Variants in CENPP observed in about 807,000 individuals in gnomAD.
CENPP encodes centromere protein P.
In CENPP, 24 loss-of-function variants were observed where a neutral mutation model predicts 35.6. The ratio of observed to expected loss-of-function variants is 0.67; its 90% CI spans 0.49 to 0.95. The LOEUF (loss-of-function observed/expected upper bound fraction) is 0.95, where lower values mean the gene tolerates loss of function less well. Among genes scored for constraint, CENPP ranks in the 40% least tolerant of loss-of-function variants. CENPP has a pLI of 0.00. For missense variants in CENPP, 332 were observed against 345.3 expected (o/e 0.96, Z 0.31); for synonymous variants, 120 against 125.5 (o/e 0.96, Z 0.29).
intron 5 of CENPP, among the ~76,000 whole-genome samples, chr9:92,510,540 A>G (rs928104824): frequency 1.3e-5 from 2 of 152,260 alleles, no homozygotes; most frequent in Non-Finnish European, 2.9e-5. Context: ...ACCAAGGACT[A>G]CAGATATCAC....
chr9:92,368,620 A>G (rs560698518), intron 4 of CENPP, among the ~76,000 whole-genome samples: 44 of 152,188 alleles, frequency 2.9e-4, no homozygotes, highest in Middle Eastern at 3.2e-3. Flanking sequence ...AAATATGGAG[A>G]AACTAAATCT....
intron 5 of CENPP, among the ~76,000 whole-genome samples, chr9:92,387,053 G>GAAAAAAAAAA (rs903436031): frequency 4.0e-5 from 2 of 50,172 alleles, no homozygotes; most frequent in Non-Finnish European, 7.5e-5. Flanking sequence ...GTCTCAAAAA[G>GAAAAAAAAAA]AAAAAAAAAA....
At chr9:92,346,550 T>C (rs1161241861) in intron 4 of CENPP, among the ~76,000 whole-genome samples, 1 of 151,996 alleles carries the variant, frequency 6.6e-6, no homozygotes, top group Non-Finnish European at 1.5e-5. Context: ...GTATAAAGAG[T>C]GTTATCACAG....
At position 92,347,954 on chromosome 9, in the gene CENPP, T is replaced by TACTCGGTC. The variant is rs1268595955; in HGVS notation, c.467+2170_467+2177dup. Among the ~76,000 whole-genome samples the TACTCGGTC allele has an allele frequency of 1.2e-4, 19 of 152,230 alleles. No homozygotes were observed. In the East Asian group the frequency reaches 3.5e-3, roughly 28 times the overall value. ...TTTGTTTTGTTTTGAGATGGAGTCT[T>TACTCGGTC]ACTCGGTCACCCAGGCTAGAGTGGA... is the stretch of plus-strand genomic sequence containing the variant. On this transcript the variant is annotated intron_variant, in intron 4 of 7. Transcript: ENST00000375587.
intron 4 of CENPP, among the ~76,000 whole-genome samples, chr9:92,347,393 T>C (rs1413522707): frequency 6.6e-6 from 1 of 152,214 alleles, no homozygotes; most frequent in African/African-American, 2.4e-5. Context: ...TAATCCCAGC[T>C]TTTTGGGCAA....
intron 5 of CENPP, among the ~76,000 whole-genome samples, chr9:92,430,501 C>T (rs1228217013): frequency 6.6e-6 from 1 of 151,676 alleles, no homozygotes; most frequent in African/African-American, 2.4e-5. Flanking sequence ...GGATTACAGG[C>T]ACCCACAACT....
rs1564000240 is a variant in CENPP at position 92,552,090 on chromosome 9, A to ATATGATAGATCTATCATATATGTGT, written c.565-59203_565-59202insGTGTTATGATAGATCTATCATATAT. Among the ~76,000 whole-genome samples the ATATGATAGATCTATCATATATGTGT allele has an allele frequency of 4.0e-3, 511 of 127,244 alleles. 33 individuals are homozygous for ATATGATAGATCTATCATATATGTGT. The highest frequency in any genetic ancestry group is 5.7e-3 in the Non-Finnish European group (348 of 60,534). The allele number at this position is 127,244 out of a possible 152,430, so 83.5% of individuals were successfully genotyped here. On this transcript the variant is annotated intron_variant, in intron 5 of 7. Coordinates refer to ENST00000375587, the MANE Select transcript of CENPP (RefSeq NM_001012267.3). ...ATATGATAGATCTATCATATATGTG[A>ATATGATAGATCTATCATATATGTGT]TATGATAGATCTATCATATATATGT... is the stretch of plus-strand genomic sequence containing the variant.
At chr9:92,598,524 T>G (rs909817306) in intron 5 of CENPP, among the ~76,000 whole-genome samples, 2 of 152,116 alleles carry the variant, frequency 1.3e-5, no homozygotes, top group East Asian at 3.9e-4. Context: ...TGACATCACA[T>G]GGGCAGAGGC....
chr9:92,562,856 G>A (rs1324377079), intron 5 of CENPP, among the ~76,000 whole-genome samples: 2 of 152,074 alleles, frequency 1.3e-5, no homozygotes, highest in African/African-American at 4.8e-5. Context: ...ATCACTTATG[G>A]GGGGGATAAA....
intron 4 of CENPP, among the ~76,000 whole-genome samples, chr9:92,363,364 T>A (rs1227836774): frequency 2.6e-5 from 4 of 152,204 alleles, no homozygotes; most frequent in Non-Finnish European, 5.9e-5. Flanking sequence ...AAAGGTAGTC[T>A]CATGATTACA....
chr9:92,482,850 A>G (rs1187791391), intron 5 of CENPP, among the ~76,000 whole-genome samples: 1 of 152,174 alleles, frequency 6.6e-6, no homozygotes, highest in East Asian at 1.9e-4. Flanking sequence ...CCTGAGAAAG[A>G]ACCATACTTT....
chr9:92,470,745 G>T, intron 5 of CENPP: 1 of 1,596,468 alleles, frequency 6.3e-7, no homozygotes, highest in South Asian at 1.2e-5. Flanking sequence ...AAGCATTCGA[G>T]TATCAAATGG....
intron 5 of CENPP, among the ~76,000 whole-genome samples, chr9:92,566,306 A>C (rs1017447535): frequency 6.6e-6 from 1 of 152,102 alleles, no homozygotes; most frequent in Admixed American, 6.5e-5. Flanking sequence ...TCTCAAAAAA[A>C]AAAAACAAAA....
chr9:92,448,703 C>CA (rs1844617378), intron 5 of CENPP, among the ~76,000 whole-genome samples: 1 of 151,734 alleles, frequency 6.6e-6, no homozygotes, highest in Admixed American at 6.6e-5. Context: ...GTCAGCCATG[C>CA]AAAAAAACCT....
chr9:92,583,194 C>A (rs1164558395), intron 5 of CENPP, among the ~76,000 whole-genome samples: 1 of 152,172 alleles, frequency 6.6e-6, no homozygotes, highest in Non-Finnish European at 1.5e-5. Context: ...TCAAATTGTA[C>A]AAGCATGGCT....
intron 5 of CENPP, among the ~76,000 whole-genome samples, chr9:92,545,371 C>T (rs1381690518): frequency 6.6e-6 from 1 of 152,172 alleles, no homozygotes; most frequent in Non-Finnish European, 1.5e-5. Flanking sequence ...TGGGAGCGGG[C>T]AGTGAGGGAC....
chr9:92,533,709 A>C (rs1848999526), intron 5 of CENPP, among the ~76,000 whole-genome samples: 1 of 152,084 alleles, frequency 6.6e-6, no homozygotes, highest in Non-Finnish European at 1.5e-5. Flanking sequence ...GAATGTTGTA[A>C]GTTGTAAAAT....
intron 5 of CENPP, among the ~76,000 whole-genome samples, chr9:92,387,658 C>T (rs1462965380): frequency 2.0e-5 from 3 of 152,178 alleles, no homozygotes; most frequent in African/African-American, 7.2e-5. Flanking sequence ...AAGCTCTTGT[C>T]TTCCCAGTGA....
chr9:92,488,215 T>C (rs527721061), intron 5 of CENPP, among the ~76,000 whole-genome samples: 9 of 152,346 alleles, frequency 5.9e-5, no homozygotes, highest in African/African-American at 1.9e-4. Context: ...TAGATGCTCA[T>C]TGTGAACTTA....
Sources: gnomAD v4.1 joint callset for allele counts (sites outside exome capture counted in the v4.1 genomes callset) on GRCh38, gnomAD v4.1.1 for gene constraint, MANE v1.5 for transcripts, NCBI Gene and HGNC (gene_info 2026-07-23, HGNC 2026-07-21) for gene names.